The following ESR1 variants were observed in gnomAD, a reference collection of about 807,000 sequenced individuals.
ESR1 encodes the protein estrogen receptor.
A neutral mutation model predicts 52.7 loss-of-function variants in ESR1; 12 were observed. The observed-to-expected ratio is 0.23, with a 90% confidence interval of 0.15 to 0.37. The LOEUF (loss-of-function observed/expected upper bound fraction) is 0.37. Ranked by LOEUF, ESR1 falls within the 10% of genes least tolerant of loss-of-function variation. ESR1 has a pLI of 1.00. For missense variants in ESR1, 584 were observed against 779.7 expected (o/e 0.75, Z 2.99); for synonymous variants, 305 against 316.8 (o/e 0.96, Z 0.39).
intron 5 of ESR1, among the ~76,000 whole-genome samples, chr6:152,023,418 A>G (rs2043852303): frequency 6.6e-6 from 1 of 152,178 alleles, no homozygotes; most frequent in Non-Finnish European, 1.5e-5. Context: ...TAATCCATTA[A>G]TCTCATTTCA....
chr6:152,040,291 C>CTA (rs1241515105), intron 5 of ESR1, among the ~76,000 whole-genome samples: 1 of 152,172 alleles, frequency 6.6e-6, no homozygotes, highest in East Asian at 1.9e-4. Context: ...GTTCATGGGC[C>CTA]TATTGGGCGA....
At chr6:152,033,980 T>C (rs2045012559) in intron 5 of ESR1, among the ~76,000 whole-genome samples, 2 of 152,202 alleles carry the variant, frequency 1.3e-5, no homozygotes, top group Non-Finnish European at 1.5e-5. Context: ...GATGAGTTCA[T>C]GTCCTTTGTA....
intron 2 of ESR1, among the ~76,000 whole-genome samples, chr6:151,779,876 G>A (rs1786374449): frequency 7.4e-6 from 1 of 135,670 alleles, no homozygotes; most frequent in African/African-American, 2.8e-5. Context: ...CTCCACCCTG[G>A]GCGACAGAGC....
intron 6 of ESR1, among the ~76,000 whole-genome samples, chr6:152,079,432 G>A (rs941212709): frequency 6.6e-6 from 1 of 152,110 alleles, no homozygotes; most frequent in Non-Finnish European, 1.5e-5. Flanking sequence ...AAACAGAAAG[G>A]AATAGCATCA....
At chr6:152,129,090 G>C (rs1338443097) in exon 7 of ESR1, 1 of 152,280 alleles carries the variant, frequency 6.6e-6, no homozygotes, top group African/African-American at 2.4e-5. Context: ...GTCGTAGTGA[G>C]AATGTGGCTG....
chr6:151,767,541 A>G (rs566702844), intron 2 of ESR1, among the ~76,000 whole-genome samples: 1 of 152,334 alleles, frequency 6.6e-6, no homozygotes. Flanking sequence ...TTAAAATTCA[A>G]AGTTAATTTC....
At chr6:152,058,009 C>T (rs1030330958) in intron 5 of ESR1, among the ~76,000 whole-genome samples, 1 of 152,192 alleles carries the variant, frequency 6.6e-6, no homozygotes, top group Admixed American at 6.5e-5. Flanking sequence ...TGAACTTTTG[C>T]TCACAGCAGG....
intron 4 of ESR1, among the ~76,000 whole-genome samples, chr6:151,955,835 T>C (rs1232917751): frequency 6.6e-6 from 1 of 152,166 alleles, no homozygotes; most frequent in Non-Finnish European, 1.5e-5. Flanking sequence ...GTACTAAGCA[T>C]AGTACCCAAC....
At chr6:151,780,343 A>G (rs898615893) in intron 2 of ESR1, among the ~76,000 whole-genome samples, 2 of 152,084 alleles carry the variant, frequency 1.3e-5, no homozygotes, top group African/African-American at 4.8e-5. Flanking sequence ...TGTATCCCAG[A>G]ACTTAAGGTA....
chr6:151,720,382 C>A (rs1489401507), intron 2 of ESR1, among the ~76,000 whole-genome samples: 1 of 152,148 alleles, frequency 6.6e-6, no homozygotes, highest in East Asian at 1.9e-4. Context: ...GCTCTCACTC[C>A]ATGTTTAAAT....
intron 3 of ESR1, among the ~76,000 whole-genome samples, chr6:151,910,832 A>G (rs1035843151): frequency 3.3e-5 from 5 of 152,212 alleles, no homozygotes; most frequent in Non-Finnish European, 5.9e-5. Context: ...ACACAAATAT[A>G]TTAATGCAGC....
At chr6:152,058,153 C>T (rs1393757028) in intron 5 of ESR1, among the ~76,000 whole-genome samples, 1 of 152,080 alleles carries the variant, frequency 6.6e-6, no homozygotes, top group Non-Finnish European at 1.5e-5. Context: ...AAAGATTCAT[C>T]CTCCAAACAT....
At chr6:151,739,150 G>T (rs991752481) in intron 2 of ESR1, among the ~76,000 whole-genome samples, 5 of 152,164 alleles carry the variant, frequency 3.3e-5, no homozygotes, top group Admixed American at 6.5e-5. Context: ...ACCACTAGGG[G>T]ATCAAGGTTA....
chr6:151,968,677 A>T (rs2038564252), intron 4 of ESR1, among the ~76,000 whole-genome samples: 1 of 152,010 alleles, frequency 6.6e-6, no homozygotes, highest in African/African-American at 2.4e-5. Context: ...ATGGGAGTCA[A>T]GGTGACTCCA....
chr6:152,090,979 G>C (rs2050135339), intron 6 of ESR1, among the ~76,000 whole-genome samples: 1 of 152,130 alleles, frequency 6.6e-6, no homozygotes, highest in Admixed American at 6.5e-5. Flanking sequence ...TTCCATCTTT[G>C]GGATTTGGAG....
chr6:151,799,130 TAA>T (rs1776987842), intron 2 of ESR1, among the ~76,000 whole-genome samples: 1 of 152,156 alleles, frequency 6.6e-6, no homozygotes, highest in Non-Finnish European at 1.5e-5. Context: ...AGGCCCACAC[TAA>T]AAGTCAGAAG....
At chr6:152,011,585 T>A (rs2128777268) in intron 4 of ESR1, 71 bp from the exon 5 acceptor site, 1 of 1,569,374 alleles carries the variant, frequency 6.4e-7, no homozygotes, top group Admixed American at 1.7e-5. Flanking sequence ...TTCAAATCCC[T>A]GTTGCATTAA....
chr6:152,057,345 C>G (rs544836555), intron 5 of ESR1, among the ~76,000 whole-genome samples: 1 of 152,280 alleles, frequency 6.6e-6, no homozygotes, highest in African/African-American at 2.4e-5. Flanking sequence ...GCAAAACTAT[C>G]ATCAGAATCA....
chr6:152,092,130 A>G (rs879307432), intron 6 of ESR1, among the ~76,000 whole-genome samples: 2 of 152,214 alleles, frequency 1.3e-5, no homozygotes, highest in Non-Finnish European at 2.9e-5. Context: ...CACCACGGCC[A>G]TGGGAGGTTT....
Sources: gnomAD v4.1 joint callset for allele counts (sites outside exome capture counted in the v4.1 genomes callset) on GRCh38, gnomAD v4.1.1 for gene constraint, MANE v1.5 for transcripts, NCBI Gene and HGNC (gene_info 2026-07-23, HGNC 2026-07-21) for gene names.